Variants in BTG3 observed in about 807,000 individuals in gnomAD.
BTG3 encodes protein BTG3.
In BTG3, 4 loss-of-function variants were observed where a neutral mutation model predicts 25.8. The ratio of observed to expected loss-of-function variants is 0.16; its 90% confidence interval spans 0.08 to 0.36. BTG3 has a LOEUF of 0.36. Ranked by LOEUF, BTG3 falls within the 10% of genes least tolerant of loss-of-function variation. The probability of loss-of-function intolerance (pLI) is 1.00; values close to 1 mark genes in which losing one functional copy is unlikely to be tolerated. For missense variants in BTG3, 201 were observed against 304.9 expected (o/e 0.66, Z 2.54); for synonymous variants, 107 against 99.9 (o/e 1.07, Z -0.42).
In BTG3 at chr21:17,594,238, T is replaced by C. The variant is rs750514745; in HGVS notation, c.614A>G (p.Tyr205Cys). 1.5e-5 allele frequency: 24 copies of C among 1,613,260 alleles called. No individual in the cohort carries two copies. The highest frequency in any genetic ancestry group is 5.5e-5 in the South Asian group (5 of 91,060). ...MYRGNGHQNH[Y>C]PPPVPFGYPN... ...ATAACCAAATGGAACAGGAGGAGGATAGTGATTCTGATGGCCATTCCCTCG... is the reference window on the plus strand; with the variant it reads ...ATAACCAAATGGAACAGGAGGAGGACAGTGATTCTGATGGCCATTCCCTCG... Residue 205 changes from tyrosine (Y) to cysteine (C), a missense_variant, in exon 5 of 5, where the codon TAT (tyrosine) becomes TGT (cysteine). Tyr to Cys is a radical substitution (Grantham distance 194). This residue lies in a region of BTG3 where 131 missense variants were observed against 129.3 expected (regional missense o/e 1.01). Coordinates refer to ENST00000348354, the MANE Select transcript of BTG3 (RefSeq NM_006806.5).
intron 3 of BTG3, chr21:17,599,236 C>T: frequency 1.2e-5 from 2 of 171,866 alleles, no homozygotes; most frequent in Non-Finnish European, 2.4e-5. Flanking sequence ...AGTGCAGTGG[C>T]ACAATCACAA....
chr21:17,611,357 A>T (rs1314918649), intron 1 of BTG3, among the ~76,000 whole-genome samples: 1 of 152,124 alleles, frequency 6.6e-6, no homozygotes, highest in Non-Finnish European at 1.5e-5. Flanking sequence ...TATGTGCCAC[A>T]TATCTGAGTT....
intron 4 of BTG3, among the ~76,000 whole-genome samples, chr21:17,596,715 C>T (rs1358792759): frequency 6.6e-6 from 1 of 152,016 alleles, no homozygotes; most frequent in Non-Finnish European, 1.5e-5. Flanking sequence ...TTAGTGTGAG[C>T]CCTCCAACTG....
intron 1 of BTG3, among the ~76,000 whole-genome samples, chr21:17,611,350 G>T (rs2123488084): frequency 6.6e-6 from 1 of 152,242 alleles, no homozygotes; most frequent in East Asian, 1.9e-4. Context: ...TGCCAACTAT[G>T]TGCCACATAT....
At chr21:17,599,172 TTC>T (rs1332787177) in intron 3 of BTG3, 2 of 201,028 alleles carry the variant, frequency 9.9e-6, no homozygotes, top group African/African-American at 2.4e-5. Context: ...CAATAAAACA[TTC>T]TGATGTATTT....
chr21:17,611,259 C>T (rs891686239), intron 1 of BTG3, among the ~76,000 whole-genome samples: 3 of 152,280 alleles, frequency 2.0e-5, no homozygotes, highest in Middle Eastern at 3.4e-3. Context: ...TTAGCCTCCA[C>T]TCCAGCAAAG....
intron 4 of BTG3, among the ~76,000 whole-genome samples, chr21:17,597,894 G>A (rs748899041): frequency 6.6e-6 from 1 of 152,140 alleles, no homozygotes; most frequent in East Asian, 1.9e-4. Context: ...CACAAACCTG[G>A]TATGTTTCAC....
At chr21:17,610,919 A>G (rs1235530207) in intron 1 of BTG3, among the ~76,000 whole-genome samples, 1 of 151,870 alleles carries the variant, frequency 6.6e-6, no homozygotes, top group East Asian at 1.9e-4. Context: ...TCACTGTGAA[A>G]TAAATTCTAC....
chr21:17,604,598 C>T (rs939672491), intron 3 of BTG3, among the ~76,000 whole-genome samples: 5 of 152,228 alleles, frequency 3.3e-5, no homozygotes, highest in African/African-American at 1.2e-4. Context: ...TAGGTGTCTA[C>T]TTCTTGGTCT....
rs78208700 is a variant in BTG3, at chr21:17,609,724, T to C, written c.-8-572A>G. On this transcript the variant is annotated intron_variant, in intron 1 of 4. Transcript: ENST00000348354. ...CCAAAACCTTGTACAGAAATGCCCA[T>C]AGCAGTATTCATAATAGCTAAAAAG... Among the ~76,000 whole-genome samples, 983 of 152,266 alleles carry C rather than the reference T, an allele frequency of 6.5e-3. 59 individuals carry two copies. In the East Asian group the frequency reaches 0.13, roughly 20 times the overall value.
chr21:17,600,227 C>T (rs2061555313), intron 3 of BTG3, among the ~76,000 whole-genome samples: 1 of 151,886 alleles, frequency 6.6e-6, no homozygotes, highest in East Asian at 1.9e-4. Flanking sequence ...AGGAGAAATC[C>T]ACAAATCTAT....
intron 2 of BTG3, chr21:17,608,746 T>C (rs2061679982): frequency 2.4e-6 from 1 of 419,556 alleles, no homozygotes; most frequent in African/African-American, 2.0e-5. Flanking sequence ...ACTAACTCCT[T>C]TGACCCCATA....
intron 4 of BTG3, among the ~76,000 whole-genome samples, chr21:17,595,410 A>T (rs2061491935): frequency 6.6e-6 from 1 of 151,972 alleles, no homozygotes; most frequent in Non-Finnish European, 1.5e-5. Context: ...CTCACCCTTT[A>T]TCTTCTTTAT....
In BTG3 at chr21:17,605,109, C is replaced by T; in HGVS notation, c.174-112G>A. The T allele has an allele frequency of 5.7e-6, 7 of 1,222,778 alleles. No homozygotes were observed. In the South Asian group the frequency reaches 9.3e-5, roughly 16 times the overall value. The allele number at this position is 1,222,778 out of a possible 1,614,324, so 75.7% of individuals were successfully genotyped here. ...AATAAAATAGTAATAAAAAAATACCCTGGTAGAGAACCTAGGAGCATATCT... is the reference window on the plus strand; with the variant it reads ...AATAAAATAGTAATAAAAAAATACCTTGGTAGAGAACCTAGGAGCATATCT... On this transcript the variant is annotated intron_variant, in intron 2 of 4. Coordinates refer to ENST00000348354, the MANE Select transcript of BTG3 (RefSeq NM_006806.5).
intron 3 of BTG3, among the ~76,000 whole-genome samples, chr21:17,601,294 T>C (rs2061571179): frequency 6.6e-6 from 1 of 152,192 alleles, no homozygotes; most frequent in African/African-American, 2.4e-5. Flanking sequence ...GTTTCCTATA[T>C]GCTGGACGAG....
chr21:17,594,025 CTTTTAAT>C lies in BTG3; in HGVS notation c.*61_*67del. ...CACTACTATTAGTAAGAACTTTTAA[CTTTTAAT>C]GTGTAGTAAGGTTTATTCTACCTTT... On this transcript the variant is annotated 3_prime_UTR_variant, in exon 5 of 5. Coordinates refer to ENST00000348354, the MANE Select transcript of BTG3 (RefSeq NM_006806.5). 2 of 1,530,256 alleles carry C rather than the reference CTTTTAAT, an allele frequency of 1.3e-6. No homozygotes were observed. Among genetic ancestry groups the C allele is most frequent in the Non-Finnish European group, 1.8e-6 (2 of 1,139,390 alleles). 94.8% of individuals were successfully genotyped at this position (1,530,256 alleles called of 1,614,324 possible).
intron 1 of BTG3, among the ~76,000 whole-genome samples, chr21:17,610,365 A>G (rs1031423098): frequency 2.6e-5 from 4 of 152,358 alleles, no homozygotes; most frequent in Middle Eastern, 3.4e-3. Flanking sequence ...AAAAAATTTC[A>G]GCATTGACTT....
At chr21:17,599,482 T>TTC (rs1006094804) in intron 3 of BTG3, among the ~76,000 whole-genome samples, 8 of 148,394 alleles carry the variant, frequency 5.4e-5, no homozygotes, top group Non-Finnish European at 1.0e-4. Flanking sequence ...CTGATTTTTT[T>TTC]TTTTTTTTTT....
chr21:17,598,197 TATTA>T (rs917225311), intron 4 of BTG3, among the ~76,000 whole-genome samples: 6 of 152,096 alleles, frequency 3.9e-5, no homozygotes, highest in African/African-American at 1.2e-4. Flanking sequence ...TTGAGTAAAA[TATTA>T]ATTATAATAT....
Sources: gnomAD v4.1 joint callset for allele counts (sites outside exome capture counted in the v4.1 genomes callset) on GRCh38, gnomAD v4.1.1 for gene constraint, gnomAD v4.1.1 regional missense constraint, MANE v1.5 for transcripts, NCBI Gene and HGNC (gene_info 2026-07-23, HGNC 2026-07-21) for gene names.